The following RCBTB1 variants were observed in gnomAD, a reference collection of about 807,000 sequenced individuals.
The protein encoded by RCBTB1 is RCC1 and BTB domain-containing protein 1.
A neutral mutation model predicts 62.4 loss-of-function variants in RCBTB1; 46 were observed. The observed-to-expected ratio is 0.74, with a 90% CI of 0.58 to 0.94. The LOEUF (loss-of-function observed/expected upper bound fraction) is 0.94. Among genes scored for constraint, RCBTB1 ranks in the 40% least tolerant of loss-of-function variants. The pLI is 0.00. For missense variants in RCBTB1, 565 were observed against 654.9 expected (o/e 0.86, Z 1.50); for synonymous variants, 222 against 245.8 (o/e 0.90, Z 0.91).
chr13:49,578,513 T>C (rs927857848), intron 2 of RCBTB1, among the ~76,000 whole-genome samples: 4 of 152,186 alleles, frequency 2.6e-5, no homozygotes, highest in Non-Finnish European at 5.9e-5. Context: ...TCTGAGGAAC[T>C]GAAGGTCTAA....
intron 2 of RCBTB1, among the ~76,000 whole-genome samples, chr13:49,567,930 C>T (rs1963136357): frequency 6.6e-6 from 1 of 152,036 alleles, no homozygotes; most frequent in African/African-American, 2.4e-5. Context: ...TGGGTGAGGA[C>T]AAGTAAAAGA....
At chr13:49,546,238 T>C in intron 9 of RCBTB1, 2 of 985,446 alleles carry the variant, frequency 2.0e-6, no homozygotes, top group Non-Finnish European at 2.4e-6. Flanking sequence ...GCAACAAGTA[T>C]AGTACATCCT....
chr13:49,542,461 G>T (rs1017925824), intron 10 of RCBTB1, among the ~76,000 whole-genome samples: 4 of 151,336 alleles, frequency 2.6e-5, no homozygotes, highest in African/African-American at 9.7e-5. Context: ...TTGCTCCTTT[G>T]TTTTTTTTAA....
intron 10 of RCBTB1, among the ~76,000 whole-genome samples, chr13:49,543,203 G>A (rs1960522619): frequency 6.6e-6 from 1 of 152,106 alleles, no homozygotes; most frequent in Non-Finnish European, 1.5e-5. Context: ...GGTGGAGGTT[G>A]CAGTGAGCTG....
chr13:49,555,740 AT>A (rs1386324086), intron 5 of RCBTB1, 67 bp from the exon 6 acceptor site: 1 of 1,178,558 alleles, frequency 8.5e-7, no homozygotes, highest in Non-Finnish European at 1.2e-6. Context: ...AACACAAATA[AT>A]CATAAAAATT....
At chr13:49,547,024 G>T in intron 9 of RCBTB1, 3 of 1,201,040 alleles carry the variant, frequency 2.5e-6, no homozygotes, top group South Asian at 1.5e-5. Context: ...AGAACTGGGG[G>T]AAGCCTTTTA....
At chr13:49,546,920 G>C in intron 9 of RCBTB1, 1 of 982,238 alleles carries the variant, frequency 1.0e-6, no homozygotes, top group Admixed American at 6.2e-5. Flanking sequence ...TGATCTAGGA[G>C]GATATAGTCA....
chr13:49,563,709 C>T (rs562049278), intron 4 of RCBTB1, among the ~76,000 whole-genome samples: 158 of 152,266 alleles, frequency 1.0e-3, no homozygotes, highest in African/African-American at 3.5e-3. Flanking sequence ...GGCATGATTA[C>T]GCAAGGCAAA....
At chr13:49,535,627 C>T (rs1045311216) in intron 12 of RCBTB1, among the ~76,000 whole-genome samples, 1 of 152,134 alleles carries the variant, frequency 6.6e-6, no homozygotes, top group East Asian at 1.9e-4. Flanking sequence ...TCAGCACAGA[C>T]CTCTGCAAAC....
At chr13:49,584,403 G>A (rs1057337120) in intron 1 of RCBTB1, among the ~76,000 whole-genome samples, 3 of 152,188 alleles carry the variant, frequency 2.0e-5, no homozygotes, top group Admixed American at 1.3e-4. Flanking sequence ...CCATCCCACA[G>A]ATGAACTGTT....
intron 1 of RCBTB1, among the ~76,000 whole-genome samples, chr13:49,584,360 G>A (rs578176274): frequency 1.8e-4 from 27 of 152,302 alleles, no homozygotes; most frequent in Admixed American, 2.6e-4. Flanking sequence ...TAAATAGACT[G>A]ATATTCACAC....
At chr13:49,567,356 A>T (rs979192355) in intron 2 of RCBTB1, 36 bp from the exon 3 acceptor site, 1 of 1,504,302 alleles carries the variant, frequency 6.6e-7, no homozygotes. Context: ...AAAAAATTAA[A>T]TAGTCACTGA....
Position 49,567,239 on chromosome 13 carries a change from GAGAGT to G in RCBTB1, c.36_40del (p.Leu13ProfsTer19). 2.5e-6 allele frequency: 4 copies of G among 1,614,062 alleles called. No homozygotes were observed. The highest frequency in any genetic ancestry group is 3.4e-6 in the Non-Finnish European group (4 of 1,179,982). ...CCGAATAGACGCGATCTCTTGAGGGGAGAGTAGAGTGAAGATGGGCCACTTTCCGA... is the reference window on the plus strand; with the variant it reads ...CCGAATAGACGCGATCTCTTGAGGGGAGAGTGAAGATGGGCCACTTTCCGA... On this transcript the variant is annotated frameshift_variant, in exon 3 of 13. Coordinates refer to ENST00000378302, the MANE Select transcript of RCBTB1 (RefSeq NM_018191.4). LOFTEE classifies it high-confidence loss of function.
chr13:49,585,341 G>A (rs1394743878), intron 1 of RCBTB1, 103 bp downstream of exon 1: 3 of 152,180 alleles, frequency 2.0e-5, no homozygotes, highest in South Asian at 2.1e-4. Flanking sequence ...GGGAGGTACA[G>A]GAGTAACGGG....
At chr13:49,575,003 G>A (rs1963678375) in intron 2 of RCBTB1, among the ~76,000 whole-genome samples, 1 of 152,158 alleles carries the variant, frequency 6.6e-6, no homozygotes, top group African/African-American at 2.4e-5. Flanking sequence ...ACTTACATGA[G>A]GTACCTAGAA....
At position 49,567,237 on chromosome 13, in the gene RCBTB1, G is replaced by A. The variant is rs1212807513; in HGVS notation, c.43C>T (p.Pro15Ser). 1 of 1,614,018 alleles carries A rather than the reference G, an allele frequency of 6.2e-7. No individual in the cohort carries two copies. The highest frequency in any genetic ancestry group is 1.1e-5 in the South Asian group (1 of 91,080). The part of the protein sequence containing the change: ...GKWPIFTLLS[P>S]QEIASIRKAC... ...TTCCGAATAGACGCGATCTCTTGAG[G>A]GGAGAGTAGAGTGAAGATGGGCCAC... The change falls in exon 3 of 13, where the codon CCT becomes TCT. Residue 15 changes from proline (P) to serine (S), a missense_variant. Physicochemically the swap from Pro to Ser is moderately conservative, Grantham distance 74. Coordinates refer to ENST00000378302, the MANE Select transcript of RCBTB1 (RefSeq NM_018191.4).
Position 49,560,054 on chromosome 13 carries a change from C to A in RCBTB1, c.308G>T (p.Gly103Val). 2 of 1,614,068 alleles carry A rather than the reference C, an allele frequency of 1.2e-6. No homozygotes were observed. Among genetic ancestry groups the A allele is most frequent in the Non-Finnish European group, 1.7e-6 (2 of 1,180,006 alleles). The change falls in exon 5 of 13, where the codon GGA becomes GTA. Residue 103 changes from glycine (G) to valine (V), a missense_variant. Coordinates refer to ENST00000378302, the MANE Select transcript of RCBTB1 (RefSeq NM_018191.4). The part of the protein sequence containing the change: ...DGVVYAWGHN[G>V]YSQLGNGTTN... Reference sequence around the variant, plus strand: ...CGTCCCATTCCCAAGCTGGCTATATCCATTGTGGCCCCAGGCATAAACCAC... The same window carrying A: ...CGTCCCATTCCCAAGCTGGCTATATACATTGTGGCCCCAGGCATAAACCAC...
At chr13:49,563,333 C>CAG (rs59088183) in intron 4 of RCBTB1, among the ~76,000 whole-genome samples, 30 of 115,584 alleles carry the variant, frequency 2.6e-4, no homozygotes, top group Middle Eastern at 8.6e-3. Context: ...GCCTGGGTGA[C>CAG]AGAGAGAGAG....
chr13:49,571,923 C>T (rs1384515081), intron 2 of RCBTB1, among the ~76,000 whole-genome samples: 1 of 152,098 alleles, frequency 6.6e-6, no homozygotes, highest in Non-Finnish European at 1.5e-5. Flanking sequence ...AATGTGTATA[C>T]ACTATCAATC....
Sources: gnomAD v4.1 joint callset for allele counts (sites outside exome capture counted in the v4.1 genomes callset) on GRCh38, gnomAD v4.1.1 for gene constraint, MANE v1.5 for transcripts, NCBI Gene and HGNC (gene_info 2026-07-23, HGNC 2026-07-21) for gene names.